CNTNAP5: variants seen among roughly 807,000 people sequenced by gnomAD.
The protein encoded by CNTNAP5 is contactin-associated protein-like 5.
CNTNAP5 carries 72 observed loss-of-function variants against 150.2 expected under a neutral mutation model. The observed-to-expected ratio is 0.48, with a 90% confidence interval of 0.40 to 0.58. The LOEUF is 0.58. Among genes scored for constraint, CNTNAP5 ranks in the 20% least tolerant of loss-of-function variants. CNTNAP5 has a pLI of 0.00. For missense variants in CNTNAP5, 1,636 were observed against 1,626.2 expected (o/e 1.01, Z -0.10); for synonymous variants, 672 against 619.8 (o/e 1.08, Z -1.25).
At chr2:124,575,515 G>A (rs1469304300) in intron 11 of CNTNAP5, among the ~76,000 whole-genome samples, 1 of 152,110 alleles carries the variant, frequency 6.6e-6, no homozygotes, top group Non-Finnish European at 1.5e-5. Context: ...TTCATTCCCT[G>A]AGCATGTTCC....
intron 19 of CNTNAP5, among the ~76,000 whole-genome samples, chr2:124,847,527 C>T (rs1683074497): frequency 6.6e-6 from 1 of 152,116 alleles, no homozygotes; most frequent in Non-Finnish European, 1.5e-5. Context: ...TGAGAACTTG[C>T]CCCAAACTAT....
intron 3 of CNTNAP5, among the ~76,000 whole-genome samples, chr2:124,249,781 C>A (rs894187167): frequency 7.9e-5 from 12 of 151,112 alleles, no homozygotes; most frequent in African/African-American, 2.2e-4. Context: ...AAATCTTTTA[C>A]AGAGTTTGAC....
chr2:124,077,145 T>C (rs950571719), intron 1 of CNTNAP5, among the ~76,000 whole-genome samples: 1 of 152,092 alleles, frequency 6.6e-6, no homozygotes, highest in African/African-American at 2.4e-5. Flanking sequence ...ACAAAGATGA[T>C]TGATTGATTG....
chr2:124,098,136 A>G (rs978964552), intron 1 of CNTNAP5, among the ~76,000 whole-genome samples: 9 of 152,264 alleles, frequency 5.9e-5, no homozygotes, highest in South Asian at 2.1e-4. Flanking sequence ...GTGATCACGT[A>G]AACAGTTGAT....
At chr2:124,763,194 A>C (rs1475128205) in intron 14 of CNTNAP5, among the ~76,000 whole-genome samples, 2 of 152,148 alleles carry the variant, frequency 1.3e-5, no homozygotes, top group African/African-American at 4.8e-5. Flanking sequence ...AAGCACCTCG[A>C]GTTAAAAGGT....
chr2:124,686,576 A>G (rs974543329), intron 13 of CNTNAP5, among the ~76,000 whole-genome samples: 15 of 152,168 alleles, frequency 9.9e-5, no homozygotes, highest in African/African-American at 3.6e-4. Context: ...CCTTTCCCAC[A>G]TGACAGACAT....
rs185394823 is a variant in CNTNAP5 at position 124,647,713 on chromosome 2, C to T, written c.1877-45C>T. 4.5e-5 allele frequency: 69 copies of T among 1,518,552 alleles called. No individual in the cohort carries two copies. In the East Asian group the frequency reaches 1.5e-3, roughly 33 times the overall value. 94.1% of individuals were successfully genotyped at this position (1,518,552 alleles called of 1,614,324 possible). ...CACTGCTCACATGCTCCATTTTTGA[C>T]ATTGCTTCTAACGTCTCTTGCTTTG... On this transcript the variant is annotated intron_variant, in intron 12 of 23. Coordinates refer to ENST00000682447, the MANE Select transcript of CNTNAP5 (RefSeq NM_001367498.1).
intron 11 of CNTNAP5, among the ~76,000 whole-genome samples, chr2:124,571,537 T>TCTCTTTGTTTTCTTTTTTC (rs1558959234): frequency 9.8e-6 from 1 of 102,238 alleles, no homozygotes. Context: ...CTTTTTTTTT[T>TCTCTTTGTTTTCTTTTTTC]TTTTTTTTTT....
chr2:124,124,962 C>G (rs943925950), intron 1 of CNTNAP5, among the ~76,000 whole-genome samples: 8 of 152,100 alleles, frequency 5.3e-5, no homozygotes, highest in African/African-American at 1.9e-4. Flanking sequence ...CAAAAACATG[C>G]CAAATTGTAA....
At chr2:124,090,484 C>G (rs577365501) in intron 1 of CNTNAP5, among the ~76,000 whole-genome samples, 4 of 152,208 alleles carry the variant, frequency 2.6e-5, no homozygotes, top group African/African-American at 9.6e-5. Context: ...TATTGACTAG[C>G]TCTTTTATGT....
intron 3 of CNTNAP5, among the ~76,000 whole-genome samples, chr2:124,359,386 A>G (rs1278547782): frequency 1.3e-5 from 2 of 151,276 alleles, no homozygotes; most frequent in Non-Finnish European, 2.9e-5. Flanking sequence ...CGTTCTTTTA[A>G]TTGTGATGTT....
intron 8 of CNTNAP5, among the ~76,000 whole-genome samples, chr2:124,509,309 G>A (rs1039183963): frequency 2.0e-5 from 3 of 152,162 alleles, no homozygotes; most frequent in Non-Finnish European, 4.4e-5. Flanking sequence ...TGAAGTTTCA[G>A]GAAGATGAAG....
intron 19 of CNTNAP5, among the ~76,000 whole-genome samples, chr2:124,816,473 CTT>C (rs34089178): frequency 3.3e-4 from 36 of 107,640 alleles, no homozygotes; most frequent in South Asian, 1.2e-3. Flanking sequence ...TTGCAGCTTA[CTT>C]TTTTTTTTTT....
chr2:124,748,064 A>G (rs1016117141), intron 14 of CNTNAP5, among the ~76,000 whole-genome samples: 5 of 151,780 alleles, frequency 3.3e-5, no homozygotes, highest in South Asian at 4.2e-4. Context: ...AGAGTGAGAG[A>G]GATAGGGATG....
At chr2:124,620,067 C>G (rs1428968066) in intron 12 of CNTNAP5, among the ~76,000 whole-genome samples, 1 of 151,608 alleles carries the variant, frequency 6.6e-6, no homozygotes, top group African/African-American at 2.4e-5. Flanking sequence ...ATTAATCACA[C>G]TGCATTATAA....
intron 1 of CNTNAP5, among the ~76,000 whole-genome samples, chr2:124,184,394 A>C (rs2104684949): frequency 6.6e-6 from 1 of 152,316 alleles, no homozygotes; most frequent in Middle Eastern, 3.4e-3. Flanking sequence ...TTGTCAGATA[A>C]AATATAGTTA....
chr2:124,363,072 T>C (rs966056618), intron 3 of CNTNAP5, among the ~76,000 whole-genome samples: 4 of 152,226 alleles, frequency 2.6e-5, no homozygotes, highest in Non-Finnish European at 2.9e-5. Flanking sequence ...TAAGTTTCAC[T>C]TGTGACAGTT....
At position 124,915,931 on chromosome 2, in the gene CNTNAP5, A is replaced by C. The variant is rs1013565844; in HGVS notation, c.*1643A>C. 6.6e-6 allele frequency among the ~76,000 whole-genome samples: 1 copy of C among 152,022 alleles called. No homozygotes were observed. The highest frequency in any genetic ancestry group is 2.4e-5 in the African/African-American group (1 of 41,416). On this transcript the variant is annotated 3_prime_UTR_variant, in exon 24 of 24. Transcript: ENST00000682447. ...AAAATACTTGCTGATTCTCTTTATGAGGCAGATTCAATTTAGAAAACAATG... is the reference window on the plus strand; with the variant it reads ...AAAATACTTGCTGATTCTCTTTATGCGGCAGATTCAATTTAGAAAACAATG...
intron 11 of CNTNAP5, among the ~76,000 whole-genome samples, chr2:124,576,730 T>G (rs566248309): frequency 9.2e-5 from 14 of 152,324 alleles, no homozygotes; most frequent in Admixed American, 6.5e-4. Context: ...TGTGGGAAAT[T>G]ATTCACCTTC....
Sources: allele counts gnomAD v4.1 joint callset (sites outside exome capture counted in the v4.1 genomes callset), GRCh38; gene constraint gnomAD v4.1.1; transcripts MANE v1.5; gene names NCBI Gene and HGNC (gene_info 2026-07-23, HGNC 2026-07-21).